The following PLXDC2 variants were observed in gnomAD, a reference collection of about 807,000 sequenced individuals.
PLXDC2 encodes plexin domain-containing protein 2.
PLXDC2 carries 40 observed loss-of-function variants against 68.9 expected under a neutral mutation model. That is an observed-to-expected ratio of 0.58 (90% CI 0.45 to 0.76). The LOEUF (loss-of-function observed/expected upper bound fraction) is 0.76. Among genes scored for constraint, PLXDC2 ranks in the 30% least tolerant of loss-of-function variants. PLXDC2 has a pLI of 0.00. For synonymous variants in PLXDC2, 243 were observed against 234.2 expected, an observed-to-expected ratio of 1.04 and a Z score of -0.34; for missense variants, 644 against 661.9, an observed-to-expected ratio of 0.97 and a Z score of 0.30.
At chr10:19,950,719 G>A (rs907540881) in intron 1 of PLXDC2, among the ~76,000 whole-genome samples, 4 of 152,094 alleles carry the variant, frequency 2.6e-5, no homozygotes, top group African/African-American at 9.7e-5. Flanking sequence ...AAAGAACAAA[G>A]TTGGAAACAT....
chr10:19,959,756 C>A (rs909818835), intron 1 of PLXDC2, among the ~76,000 whole-genome samples: 12 of 152,072 alleles, frequency 7.9e-5, no homozygotes, highest in Non-Finnish European at 1.5e-5. Context: ...TCCAGGAACC[C>A]AAATGAAACC....
chr10:19,980,162 T>A (rs1177130818), intron 1 of PLXDC2, among the ~76,000 whole-genome samples: 1 of 152,234 alleles, frequency 6.6e-6, no homozygotes, highest in Non-Finnish European at 1.5e-5. Context: ...GTGACTGCAT[T>A]TTTTAATAGC....
chr10:20,030,040 T>G (rs932023877), intron 2 of PLXDC2, among the ~76,000 whole-genome samples: 1 of 152,136 alleles, frequency 6.6e-6, no homozygotes, highest in African/African-American at 2.4e-5. Context: ...CTATGCCAAA[T>G]GAAGGCACTC....
At chr10:20,133,779 A>G (rs1277170458) in intron 4 of PLXDC2, among the ~76,000 whole-genome samples, 1 of 152,130 alleles carries the variant, frequency 6.6e-6, no homozygotes, top group African/African-American at 2.4e-5. Context: ...GTTATTGTTT[A>G]TGCATAATAA....
At chr10:20,164,338 C>T (rs1042581461) in intron 6 of PLXDC2, 130 bp from the exon 7 acceptor site, 4 of 735,294 alleles carry the variant, frequency 5.4e-6, no homozygotes, top group East Asian at 5.4e-5. Context: ...TTTCTAATAC[C>T]TTTGACTCCC....
chr10:19,931,952 AGTGTGT>A (rs33953625), intron 1 of PLXDC2, among the ~76,000 whole-genome samples: 15 of 149,742 alleles, frequency 1.0e-4, no homozygotes, highest in South Asian at 8.5e-4. Context: ...TAATTTGGGA[AGTGTGT>A]GTGTGTGTGT....
At chr10:20,133,481 T>C (rs1237295425) in intron 4 of PLXDC2, among the ~76,000 whole-genome samples, 2 of 152,216 alleles carry the variant, frequency 1.3e-5, no homozygotes, top group Non-Finnish European at 2.9e-5. Flanking sequence ...TATAGTATTC[T>C]TGGTCATTGC....
chr10:19,894,656 A>G (rs1389241585), intron 1 of PLXDC2, among the ~76,000 whole-genome samples: 2 of 152,164 alleles, frequency 1.3e-5, no homozygotes, highest in African/African-American at 4.8e-5. Context: ...TTTTATTATT[A>G]TACTTAAAGT....
At chr10:19,981,054 T>A (rs886090968) in intron 1 of PLXDC2, among the ~76,000 whole-genome samples, 1 of 152,172 alleles carries the variant, frequency 6.6e-6, no homozygotes, top group African/African-American at 2.4e-5. Flanking sequence ...ATAAGATTTT[T>A]AAAAAATCTT....
At chr10:19,912,337 GAATC>G (rs1328294269) in intron 1 of PLXDC2, among the ~76,000 whole-genome samples, 2 of 152,144 alleles carry the variant, frequency 1.3e-5, no homozygotes, top group Non-Finnish European at 2.9e-5. Context: ...AAATGAAGAG[GAATC>G]AATCTGAGCT....
Position 20,285,548 on chromosome 10 carries a change from ACT to A in PLXDC2, c.*5730_*5731del, listed in dbSNP as rs1836142213. On this transcript the variant is annotated 3_prime_UTR_variant, in exon 14 of 14. Transcript: ENST00000377252. The stretch of plus-strand genomic sequence containing the variant: ...GAATGTGTCTGAAACATAATATATC[ACT>A]GCATGTCTGTGCTGTAGACCTGTTA... 6.6e-6 allele frequency: 1 copy of A among 152,158 alleles called. No homozygotes were observed. The highest frequency in any genetic ancestry group is 1.5e-5 in the Non-Finnish European group (1 of 68,026). 9.4% of individuals were successfully genotyped at this position (152,158 alleles called of 1,614,324 possible).
chr10:20,136,766 C>T (rs1290660473), intron 4 of PLXDC2, among the ~76,000 whole-genome samples: 1 of 152,206 alleles, frequency 6.6e-6, no homozygotes, highest in Non-Finnish European at 1.5e-5. Context: ...GCATACCCAT[C>T]AACTCCAACC....
At chr10:20,279,661 T>C (rs371921506) in intron 13 of PLXDC2, 42 bp from the exon 14 acceptor site, 3 of 1,521,296 alleles carry the variant, frequency 2.0e-6, no homozygotes, top group Non-Finnish European at 2.7e-6. Flanking sequence ...GCTAGAATCT[T>C]ACCCTGACGC....
rs1836090308 is a variant in PLXDC2 at position 20,282,189 on chromosome 10, A to G, written c.*2370A>G. The G allele has an allele frequency of 6.6e-6, 1 of 152,198 alleles. No individual in the cohort carries two copies. 9.4% of individuals were successfully genotyped at this position (152,198 alleles called of 1,614,324 possible). A position where few individuals can be genotyped will look rare whatever the true frequency, so the allele number is the denominator to read the frequency against. On this transcript the variant is annotated 3_prime_UTR_variant, in exon 14 of 14. Coordinates refer to ENST00000377252, the MANE Select transcript of PLXDC2 (RefSeq NM_032812.9). The stretch of plus-strand genomic sequence containing the variant: ...CTGGAGTGTGGGAAAACTTCTTAAC[A>G]GAACTAAGAGTTAAAGGTAGTGAGA...
At chr10:19,937,544 GTATA>G (rs71388881) in intron 1 of PLXDC2, among the ~76,000 whole-genome samples, 2,586 of 95,878 alleles carry the variant, frequency 0.027, 46 homozygotes, top group Middle Eastern at 0.066. Context: ...TATAGTCAAT[GTATA>G]TATATATATA....
At position 19,866,168 on chromosome 10, in the gene PLXDC2, T is replaced by G. The variant is rs58127651; in HGVS notation, c.112+48977T>G. Among the ~76,000 whole-genome samples, 1,307 of 152,318 alleles carry G rather than the reference T, an allele frequency of 8.6e-3. 25 individuals carry two copies. The highest frequency in any genetic ancestry group is 0.03 in the African/African-American group (1,228 of 41,566). On this transcript the variant is annotated intron_variant, in intron 1 of 13. Transcript: ENST00000377252. The stretch of plus-strand genomic sequence containing the variant: ...GGAACTGAATAGCAATATAATTGAT[T>G]TATGTAGTCTTAGGGTATTCTTTAT...
intron 1 of PLXDC2, among the ~76,000 whole-genome samples, chr10:19,929,545 TC>T (rs1419671082): frequency 6.6e-6 from 1 of 152,218 alleles, no homozygotes. Flanking sequence ...AAAATCATGT[TC>T]TAAAGTGCCC....
intron 1 of PLXDC2, among the ~76,000 whole-genome samples, chr10:19,979,377 ATAGAT>A (rs1179382928): frequency 2.0e-5 from 3 of 147,292 alleles, no homozygotes; most frequent in African/African-American, 7.5e-5. Flanking sequence ...AGATAGATAG[ATAGAT>A]TTTTTTTTTT....
intron 1 of PLXDC2, among the ~76,000 whole-genome samples, chr10:19,940,622 A>G (rs1435080756): frequency 2.0e-5 from 3 of 152,004 alleles, no homozygotes; most frequent in Non-Finnish European, 1.5e-5. Context: ...ATAAATCATC[A>G]TTGTCTCCTT....
Sources: allele counts gnomAD v4.1 joint callset (sites outside exome capture counted in the v4.1 genomes callset), GRCh38; gene constraint gnomAD v4.1.1; transcripts MANE v1.5; gene names NCBI Gene and HGNC (gene_info 2026-07-23, HGNC 2026-07-21).